The following BUB1B variants were observed in gnomAD, a reference collection of about 807,000 sequenced individuals.
BUB1B encodes the protein BUB1 mitotic checkpoint serine/threonine kinase B.
In BUB1B, 86 loss-of-function variants were observed where a neutral mutation model predicts 137.7. The ratio of observed to expected loss-of-function variants is 0.62; its 90% CI spans 0.52 to 0.75. The LOEUF (loss-of-function observed/expected upper bound fraction) is 0.75, where lower values mean the gene tolerates loss of function less well. Among genes scored for constraint, BUB1B ranks in the 30% least tolerant of loss-of-function variants. The pLI is 0.00. For synonymous variants in BUB1B, 420 were observed against 417.9 expected, an observed-to-expected ratio of 1.00 and a Z score of -0.06; for missense variants, 1,130 against 1,236.9, an observed-to-expected ratio of 0.91 and a Z score of 1.30.
rs1470119670 is a variant in BUB1B, at chr15:40,216,569, A to ATT, written c.2679-926_2679-925insTT. ...ATACTATATATATATATATATATAT[A>ATT]TATTTTTTTTTTTTTTTAATTATAG... On this transcript the variant is annotated intron_variant, in intron 20 of 22. Transcript: ENST00000287598. Among the ~76,000 whole-genome samples, 41 of 56,300 alleles carry ATT rather than the reference A, an allele frequency of 7.3e-4. No homozygotes were observed. In the East Asian group the frequency reaches 9.9e-3, roughly 14 times the overall value. The allele number at this position is 56,300 out of a possible 152,430, so 36.9% of individuals were successfully genotyped here. A position where few individuals can be genotyped will look rare whatever the true frequency, so the allele number is the denominator to read the frequency against.
intron 5 of BUB1B, among the ~76,000 whole-genome samples, chr15:40,181,569 T>A (rs1204541021): frequency 1.3e-5 from 2 of 152,176 alleles, no homozygotes; most frequent in Non-Finnish European, 2.9e-5. Flanking sequence ...TTTAGACCAT[T>A]TCCCCCGACT....
At chr15:40,196,143 C>T (rs962770360) in intron 8 of BUB1B, among the ~76,000 whole-genome samples, 19 of 152,112 alleles carry the variant, frequency 1.2e-4, no homozygotes, top group African/African-American at 4.3e-4. Context: ...CTTTGATCCA[C>T]CTTGAGTTGA....
Position 40,206,706 on chromosome 15 carries a change from T to C in BUB1B, c.2009+248T>C, listed in dbSNP as rs140199953. On this transcript the variant is annotated intron_variant, in intron 15 of 22. Coordinates refer to ENST00000287598, the MANE Select transcript of BUB1B (RefSeq NM_001211.6). ...GTGGTCCGAGAGGAGTATAGTACCA[T>C]TGAGGAAACTTTGCAAAGTGTACAT... 2.2e-3 allele frequency among the ~76,000 whole-genome samples: 342 copies of C among 152,306 alleles called. 1 individual carries two copies. The highest frequency in any genetic ancestry group is 3.7e-3 in the Non-Finnish European group (253 of 68,022).
rs140534961 is a variant in BUB1B, at chr15:40,200,952, C to T, written c.1539C>T (p.Asn513=). Residue 513 remains asparagine (N), a synonymous_variant, in exon 12 of 23, where the codon AAC becomes AAT. Transcript: ENST00000287598. The part of the protein sequence containing the change: ...CCARETSLAE[N]IWQEQPHSKG... ...ACAGAGAAACTTCACTTGCGGAGAA[C>T]ATTTGGCAGGAACAACCTCATTCTA... The T allele has an allele frequency of 1.1e-4, 184 of 1,613,314 alleles. No homozygotes were observed. In the African/African-American group the frequency reaches 2.2e-3, roughly 19 times the overall value.
At position 40,202,654 on chromosome 15, in the gene BUB1B, A is replaced by G; in HGVS notation, c.1694A>G (p.Glu565Gly). 6.2e-7 allele frequency: 1 copy of G among 1,614,124 alleles called. No homozygotes were observed. The highest frequency in any genetic ancestry group is 8.5e-7 in the Non-Finnish European group (1 of 1,179,984). ...CCCCTTGCAGTTCTCAAAACCTCAG[A>G]AAGCATCACCTCAAATGAAGATGTG... ...RRPLAVLKTS[E>G]SITSNEDVSP... Residue 565 changes from glutamate to glycine, a missense_variant, in exon 14 of 23, where the codon GAA (glutamate) becomes GGA (glycine). Transcript: ENST00000287598.
rs189115355 is a variant in BUB1B at position 40,201,564 on chromosome 15, C to G, written c.1567+584C>G. Among the ~76,000 whole-genome samples, 194 of 152,286 alleles carry G rather than the reference C, an allele frequency of 1.3e-3. 1 individual carries two copies. The highest frequency in any genetic ancestry group is 2.4e-3 in the Non-Finnish European group (164 of 68,022). ...TGTTCAACAAAAATTCCCCCCAAAA[C>G]TCTATAGAATAAAAGAGATTTAAGA... On this transcript the variant is annotated intron_variant, in intron 12 of 22. Transcript: ENST00000287598.
chr15:40,199,069 T>G (rs1167435333), intron 9 of BUB1B, among the ~76,000 whole-genome samples: 1 of 152,230 alleles, frequency 6.6e-6, no homozygotes, highest in Non-Finnish European at 1.5e-5. Flanking sequence ...TTGGGGCCTT[T>G]GTGCCACCTA....
At chr15:40,173,704 T>A (rs11636402) in intron 4 of BUB1B, among the ~76,000 whole-genome samples, 108,736 of 152,154 alleles carry the variant, frequency 0.71, 39,719 homozygotes, top group African/African-American at 0.83. Flanking sequence ...GCCACAGATT[T>A]TTTGAGAAGC....
chr15:40,173,295 TAAAAAAAAAAA>T (rs61078619), intron 4 of BUB1B, among the ~76,000 whole-genome samples: 1 of 85,898 alleles, frequency 1.2e-5, no homozygotes, highest in Non-Finnish European at 2.4e-5. Flanking sequence ...GAAAAAAAGA[TAAAAAAAAAAA>T]AAAAAAAAAA....
Position 40,203,798 on chromosome 15 carries a change from T to C in BUB1B, c.1734+1104T>C, listed in dbSNP as rs538026012. ...AAGTCAAAATAAATAACCTGTATCA[T>C]TGGCATTTTATTAAAGTTTTAAGGA... On this transcript the variant is annotated intron_variant, in intron 14 of 22. Transcript: ENST00000287598. Among the ~76,000 whole-genome samples, 16 of 152,306 alleles carry C rather than the reference T, an allele frequency of 1.1e-4. No individual in the cohort carries two copies. The East Asian group carries it at 2.9e-3, about 28-fold the overall frequency.
chr15:40,217,904 C>T (rs1297258625), intron 21 of BUB1B, among the ~76,000 whole-genome samples: 1 of 152,212 alleles, frequency 6.6e-6, no homozygotes, highest in East Asian at 1.9e-4. Context: ...GCCACTCCTA[C>T]TGCCTACCAC....
chr15:40,193,060 G>A (rs1394835723), intron 8 of BUB1B, among the ~76,000 whole-genome samples: 1 of 151,894 alleles, frequency 6.6e-6, no homozygotes, highest in Non-Finnish European at 1.5e-5. Flanking sequence ...GTGTTGCCCA[G>A]CCTGGTCTTG....
intron 9 of BUB1B, 28 bp from the exon 10 acceptor site, chr15:40,199,587 A>G (rs765125077): frequency 1.3e-6 from 2 of 1,582,254 alleles, no homozygotes; most frequent in East Asian, 2.2e-5. Flanking sequence ...ATGAGGAATA[A>G]TACCTCAAGC....
intron 4 of BUB1B, among the ~76,000 whole-genome samples, chr15:40,173,160 A>G (rs2037184027): frequency 6.6e-6 from 1 of 151,852 alleles, no homozygotes; most frequent in Non-Finnish European, 1.5e-5. Context: ...TGGTGCGCAC[A>G]TGTAATCCCA....
rs554406593 is a variant in BUB1B, at chr15:40,185,484, C to A, written c.967-67C>A. ...TTTTAATTCCTCTTGAATATTTAGC[C>A]ATGGTCTATATATGCTGTCTGAGAA... On this transcript the variant is annotated intron_variant, in intron 7 of 22. Coordinates refer to ENST00000287598, the MANE Select transcript of BUB1B (RefSeq NM_001211.6). 15 of 1,589,636 alleles carry A rather than the reference C, an allele frequency of 9.4e-6. No homozygotes were observed. In the African/African-American group the frequency reaches 1.5e-4, roughly 16 times the overall value.
At chr15:40,195,932 T>C (rs1340882970) in intron 8 of BUB1B, among the ~76,000 whole-genome samples, 1 of 152,230 alleles carries the variant, frequency 6.6e-6, no homozygotes, top group Non-Finnish European at 1.5e-5. Context: ...CTGTGGGTTG[T>C]CTGTTTACTC....
intron 9 of BUB1B, among the ~76,000 whole-genome samples, chr15:40,198,510 A>G (rs12915249): frequency 0.69 from 105,346 of 152,154 alleles, 37,235 homozygotes; most frequent in African/African-American, 0.77. Context: ...TCAAAAACTG[A>G]CTTCAAAGAC....
chr15:40,202,272 A>T, intron 12 of BUB1B, 133 bp from the exon 13 acceptor site: 1 of 741,300 alleles, frequency 1.3e-6, no homozygotes, highest in Non-Finnish European at 2.3e-6. Context: ...TATATGTTTG[A>T]AGCTTTTTGT....
intron 8 of BUB1B, among the ~76,000 whole-genome samples, chr15:40,189,581 G>C (rs1391876851): frequency 6.6e-6 from 1 of 152,166 alleles, no homozygotes; most frequent in Non-Finnish European, 1.5e-5. Flanking sequence ...CCGTTGTGTG[G>C]CTTCACAACA....
Sources: gnomAD v4.1 joint callset for allele counts (sites outside exome capture counted in the v4.1 genomes callset) on GRCh38, gnomAD v4.1.1 for gene constraint, MANE v1.5 for transcripts, NCBI Gene and HGNC (gene_info 2026-07-23, HGNC 2026-07-21) for gene names.